FRMPD4: variants seen among roughly 807,000 people sequenced by gnomAD.
FRMPD4 encodes the protein FERM and PDZ domain containing 4, also known as FERM and PDZ domain-containing protein 4.
In FRMPD4, 22 loss-of-function variants were observed where a neutral mutation model predicts 94.1. That is an observed-to-expected ratio of 0.23 (90% CI 0.17 to 0.33). FRMPD4 has a LOEUF of 0.33. FRMPD4 is among the 10% of genes least tolerant of loss of function. The pLI, the probability that FRMPD4 is intolerant of heterozygous loss-of-function variation, is 1.00. For synonymous variants in FRMPD4, 631 were observed against 548.6 expected (o/e 1.15, Z -2.10); for missense variants, 1,111 against 1,339.9 (o/e 0.83, Z 2.67).
chrX:11,995,217 A>G (rs2054490269), intron 3 of FRMPD4, among the ~76,000 whole-genome samples: 1 of 112,034 alleles, frequency 8.9e-6, no homozygotes, highest in Non-Finnish European at 1.9e-5. Context: ...CTTTCCAAAG[A>G]GATCTGAAGA....
intron 1 of FRMPD4, among the ~76,000 whole-genome samples, chrX:12,457,751 C>T (rs1396511807): frequency 8.9e-6 from 1 of 111,993 alleles, no homozygotes; most frequent in African/African-American, 3.2e-5. Flanking sequence ...ATAGTGATTT[C>T]GGAAAATGGT....
chrX:12,409,813 T>C (rs2056710045), intron 1 of FRMPD4, among the ~76,000 whole-genome samples: 1 of 111,848 alleles, frequency 8.9e-6, no homozygotes, highest in Admixed American at 9.5e-5. Context: ...ATAATGACAT[T>C]TCCGTTACTG....
chrX:12,108,937 T>A, intron 3 of FRMPD4, among the ~76,000 whole-genome samples: 1 of 111,084 alleles, frequency 9.0e-6, no homozygotes, highest in Middle Eastern at 4.6e-3. Flanking sequence ...TCCTTAGAGA[T>A]CTACAAAGAG....
intron 3 of FRMPD4, among the ~76,000 whole-genome samples, chrX:11,995,653 T>G (rs1347376494): frequency 8.9e-6 from 1 of 111,924 alleles, no homozygotes; most frequent in Non-Finnish European, 1.9e-5. Flanking sequence ...CTTATTTAAA[T>G]TGTCAAAATC....
intron 1 of FRMPD4, among the ~76,000 whole-genome samples, chrX:12,442,457 G>A (rs1233231164): frequency 5.4e-5 from 6 of 111,723 alleles, no homozygotes; most frequent in Non-Finnish European, 1.1e-4. Flanking sequence ...AGAAGTACTT[G>A]TGGTTCTCCT....
chrX:12,029,783 T>G (rs1317435568), intron 3 of FRMPD4, among the ~76,000 whole-genome samples: 1 of 111,763 alleles, frequency 8.9e-6, no homozygotes, highest in Non-Finnish European at 1.9e-5. Flanking sequence ...GGGGCTTTGA[T>G]TATATCTACA....
intron 1 of FRMPD4, among the ~76,000 whole-genome samples, chrX:12,251,645 G>A (rs1033756304): frequency 3.4e-4 from 38 of 112,000 alleles, no homozygotes; most frequent in African/African-American, 1.2e-3. Context: ...GTTCCTTAGA[G>A]AGTACTGCCT....
At chrX:12,679,481 C>T (rs184567489) in intron 5 of FRMPD4, among the ~76,000 whole-genome samples, 2 of 110,781 alleles carry the variant, frequency 1.8e-5, no homozygotes, top group African/African-American at 6.6e-5. Flanking sequence ...AAGAAAAGTG[C>T]GAGGGAATTT....
intron 3 of FRMPD4, among the ~76,000 whole-genome samples, chrX:12,095,642 G>T (rs1343576751): frequency 1.8e-5 from 2 of 111,062 alleles, no homozygotes. Flanking sequence ...CATCAGTTTG[G>T]ATACTTTTTG....
chrX:11,853,121 T>C (rs1262489995), intron 1 of FRMPD4, among the ~76,000 whole-genome samples: 6 of 111,863 alleles, frequency 5.4e-5, no homozygotes, highest in Non-Finnish European at 9.4e-5. Context: ...TACATGGAAA[T>C]TGAATAACCT....
At chrX:12,626,565 G>T (rs5979691) in intron 4 of FRMPD4, among the ~76,000 whole-genome samples, 2,251 of 100,597 alleles carry the variant, frequency 0.022, 71 homozygotes, top group African/African-American at 0.077. Flanking sequence ...TCTTACTTGG[G>T]GGGCCCAGCA....
intron 3 of FRMPD4, among the ~76,000 whole-genome samples, chrX:11,933,038 C>A (rs186391724): frequency 8.9e-6 from 1 of 111,845 alleles, no homozygotes; most frequent in Non-Finnish European, 1.9e-5. Flanking sequence ...CAATAAATAC[C>A]TGGGAGTTTA....
At chrX:12,577,845 G>C (rs66668679) in intron 2 of FRMPD4, among the ~76,000 whole-genome samples, 29,540 of 111,501 alleles carry the variant, frequency 0.26, 3,570 homozygotes, top group African/African-American at 0.49. Flanking sequence ...CCTACCTATT[G>C]GGGTATTATT....
At chrX:12,120,424 G>T (rs2055444476) in intron 3 of FRMPD4, among the ~76,000 whole-genome samples, 1 of 111,774 alleles carries the variant, frequency 8.9e-6, no homozygotes, top group Admixed American at 9.5e-5. Flanking sequence ...TGGGCAGGGT[G>T]GCTCACACCT....
intron 3 of FRMPD4, among the ~76,000 whole-genome samples, chrX:11,888,455 G>A (rs993751569): frequency 3.6e-5 from 4 of 111,848 alleles, no homozygotes; most frequent in Middle Eastern, 4.7e-3. Context: ...AATTTTAAAG[G>A]TCTATTTAAA....
chrX:12,573,868 A>G (rs1383202874), intron 2 of FRMPD4, among the ~76,000 whole-genome samples: 1 of 112,694 alleles, frequency 8.9e-6, no homozygotes, highest in African/African-American at 3.2e-5. Context: ...AGATATGAAA[A>G]TCCAGCTATC....
intron 1 of FRMPD4, among the ~76,000 whole-genome samples, chrX:12,270,731 T>C (rs1055140611): frequency 9.0e-6 from 1 of 111,686 alleles, no homozygotes; most frequent in Non-Finnish European, 1.9e-5. Flanking sequence ...CACTTACCCA[T>C]CGTTTCTTCC....
intron 1 of FRMPD4, among the ~76,000 whole-genome samples, chrX:12,164,831 G>A (rs973399522): frequency 8.9e-6 from 1 of 112,372 alleles, no homozygotes. Flanking sequence ...GTGTTTTTTG[G>A]CTGCATAAAT....
chrX:12,482,809 G>T (rs1341961847), intron 1 of FRMPD4, among the ~76,000 whole-genome samples: 2 of 111,209 alleles, frequency 1.8e-5, no homozygotes, highest in Non-Finnish European at 3.8e-5. Flanking sequence ...TTCCTACTAA[G>T]CCTTGGAAAT....
Sources: gnomAD v4.1 joint callset for allele counts (sites outside exome capture counted in the v4.1 genomes callset) on GRCh38, gnomAD v4.1.1 for gene constraint, MANE v1.5 for transcripts, NCBI Gene and HGNC (gene_info 2026-07-23, HGNC 2026-07-21) for gene names.